Variants in HSD17B12 observed in about 807,000 individuals in gnomAD.
The protein encoded by HSD17B12 is hydroxysteroid 17-beta dehydrogenase 12.
Under a neutral mutation model 39.3 loss-of-function variants are expected in HSD17B12, and 32 were observed. The ratio of observed to expected loss-of-function variants is 0.81; its 90% CI spans 0.61 to 1.09. The LOEUF (loss-of-function observed/expected upper bound fraction) is 1.09, where lower values mean the gene tolerates loss of function less well. Among genes scored for constraint, HSD17B12 ranks in the 50% least tolerant of loss-of-function variants. HSD17B12 has a pLI of 0.00. For synonymous variants in HSD17B12, 150 were observed against 146.7 expected, an observed-to-expected ratio of 1.02 and a Z score of -0.16; for missense variants, 342 against 382.9, an observed-to-expected ratio of 0.89 and a Z score of 0.89.
rs184116723 is a variant in HSD17B12 at position 43,719,947 on chromosome 11, G to A, written c.161-30964G>A. Among the ~76,000 whole-genome samples the A allele has an allele frequency of 1.3e-3, 199 of 152,204 alleles. 1 individual carries two copies. Among genetic ancestry groups the A allele is most frequent in the African/African-American group, 4.6e-3 (191 of 41,538 alleles). On this transcript the variant is annotated intron_variant, in intron 1 of 10. Transcript: ENST00000278353. ...TGAGAGTTTTCTATGAATGTTATTA[G>A]GGATTGATTCTATGTCCCAAAAGCC...
intron 1 of HSD17B12, among the ~76,000 whole-genome samples, chr11:43,718,142 G>A (rs1403823786): frequency 6.6e-6 from 1 of 152,144 alleles, no homozygotes; most frequent in African/African-American, 2.4e-5. Context: ...CAAGCCACAG[G>A]ACCAGCTCAG....
chr11:43,809,248 G>A (rs4755748), intron 4 of HSD17B12, among the ~76,000 whole-genome samples: 2,862 of 152,290 alleles, frequency 0.019, 83 homozygotes, highest in African/African-American at 0.051. Context: ...TTGGGTTAAA[G>A]ATTTTATGTA....
At chr11:43,762,277 A>G (rs566149198) in intron 3 of HSD17B12, among the ~76,000 whole-genome samples, 2 of 152,330 alleles carry the variant, frequency 1.3e-5, no homozygotes, top group South Asian at 4.1e-4. Flanking sequence ...TGCTTTTACA[A>G]AATGTTTAAT....
the HSD17B12 span, among the ~76,000 whole-genome samples, chr11:43,668,253 C>T: frequency 4.6e-5 from 7 of 152,192 alleles, no homozygotes; most frequent in Non-Finnish European, 1.0e-4. Flanking sequence ...CCTTTTTCAG[C>T]TTCTAGAGGC....
intron 9 of HSD17B12, chr11:43,852,564 A>G (rs951059964): frequency 1.8e-4 from 28 of 152,014 alleles, no homozygotes; most frequent in African/African-American, 6.5e-4. Flanking sequence ...GAGTATTTAC[A>G]TATACTCTTT....
rs139479397 is a variant in HSD17B12 at position 43,788,794 on chromosome 11, A to T, written c.284-9526A>T. The stretch of plus-strand genomic sequence containing the variant: ...GGAGGAAATATAAACTTGTTATAGG[A>T]CCAATTCCATAGGCCTGTGACCTGA... On this transcript the variant is annotated intron_variant, in intron 3 of 10. Coordinates refer to ENST00000278353, the MANE Select transcript of HSD17B12 (RefSeq NM_016142.3). Among the ~76,000 whole-genome samples, 429 of 152,050 alleles carry T rather than the reference A, an allele frequency of 2.8e-3. 4 individuals carry two copies. Among genetic ancestry groups the T allele is most frequent in the African/African-American group, 1.0e-2 (413 of 41,446 alleles).
chr11:43,556,848 C>T, the HSD17B12 span: 1 of 151,592 alleles, frequency 6.6e-6, no homozygotes, highest in Non-Finnish European at 1.5e-5. Flanking sequence ...TTATATTACC[C>T]TCATTCCCTC....
At chr11:43,849,035 A>T (rs1951506163) in intron 9 of HSD17B12, among the ~76,000 whole-genome samples, 1 of 152,184 alleles carries the variant, frequency 6.6e-6, no homozygotes, top group Non-Finnish European at 1.5e-5. Flanking sequence ...GGGCACAGTG[A>T]CTCACACATG....
At chr11:43,753,037 C>T (rs1475672672) in intron 2 of HSD17B12, among the ~76,000 whole-genome samples, 2 of 152,094 alleles carry the variant, frequency 1.3e-5, no homozygotes, top group African/African-American at 2.4e-5. Flanking sequence ...TAATTTATTG[C>T]TCATTTATAT....
intron 3 of HSD17B12, among the ~76,000 whole-genome samples, chr11:43,774,022 T>C (rs1355502884): frequency 6.6e-6 from 1 of 152,166 alleles, no homozygotes; most frequent in East Asian, 1.9e-4. Context: ...CACATATGTG[T>C]ATGCTTATAG....
At position 43,718,903 on chromosome 11, in the gene HSD17B12, C is replaced by T. The variant is rs530702014; in HGVS notation, c.161-32008C>T. 8.1e-5 allele frequency: 78 copies of T among 966,726 alleles called. No homozygotes were observed. In the African/African-American group the frequency reaches 1.1e-3, roughly 14 times the overall value. 59.9% of individuals were successfully genotyped at this position (966,726 alleles called of 1,614,324 possible). A position where few individuals can be genotyped will look rare whatever the true frequency, so the allele number is the denominator to read the frequency against. On this transcript the variant is annotated intron_variant, in intron 1 of 10. Coordinates refer to ENST00000278353, the MANE Select transcript of HSD17B12 (RefSeq NM_016142.3). ...GAAACAAGCTTGACCACTATGCTGTCATCAAGTTTCCATTGACCACTGAGT... is the reference window on the plus strand; with the variant it reads ...GAAACAAGCTTGACCACTATGCTGTTATCAAGTTTCCATTGACCACTGAGT...
chr11:43,594,167 C>T, the HSD17B12 span, among the ~76,000 whole-genome samples: 2 of 152,036 alleles, frequency 1.3e-5, no homozygotes, highest in South Asian at 2.1e-4. Flanking sequence ...TTTTTAAAAT[C>T]TTAATTACTC....
chr11:43,734,094 T>C, intron 1 of HSD17B12: 1 of 1,101,504 alleles, frequency 9.1e-7, no homozygotes, highest in Non-Finnish European at 1.4e-6. Context: ...CGGAGAGGAC[T>C]ATGATGAGCG....
intron 9 of HSD17B12, chr11:43,852,108 C>T (rs552783725): frequency 2.0e-5 from 3 of 152,198 alleles, no homozygotes; most frequent in Non-Finnish European, 2.9e-5. Context: ...ATTTACATTT[C>T]TTAGCTGGAA....
At chr11:43,557,438 G>A in the HSD17B12 span, among the ~76,000 whole-genome samples, 9 of 152,220 alleles carry the variant, frequency 5.9e-5, no homozygotes, top group Admixed American at 5.2e-4. Flanking sequence ...ACGGTATGGT[G>A]GTGGTGATGG....
chr11:43,694,347 G>T (rs1410174887), intron 1 of HSD17B12, among the ~76,000 whole-genome samples: 1 of 152,036 alleles, frequency 6.6e-6, no homozygotes, highest in African/African-American at 2.4e-5. Context: ...TGATTTTAAG[G>T]CCATTTGGAA....
chr11:43,652,702 C>T, the HSD17B12 span, among the ~76,000 whole-genome samples: 281 of 152,094 alleles, frequency 1.8e-3, no homozygotes, highest in Admixed American at 4.1e-3. Flanking sequence ...ATACATGGGG[C>T]GAGGTATGGA....
At chr11:43,715,576 C>G (rs1254026398) in intron 1 of HSD17B12, among the ~76,000 whole-genome samples, 4 of 152,096 alleles carry the variant, frequency 2.6e-5, no homozygotes, top group Non-Finnish European at 5.9e-5. Flanking sequence ...AGATATTGGT[C>G]TAAAATTCTC....
chr11:43,624,933 A>G, the HSD17B12 span, among the ~76,000 whole-genome samples: 1 of 151,866 alleles, frequency 6.6e-6, no homozygotes, highest in South Asian at 2.1e-4. Flanking sequence ...GGAATAGTTA[A>G]ATGATTATAA....
Sources: gnomAD v4.1 joint callset for allele counts (sites outside exome capture counted in the v4.1 genomes callset) on GRCh38, gnomAD v4.1.1 for gene constraint, MANE v1.5 for transcripts, NCBI Gene and HGNC (gene_info 2026-07-23, HGNC 2026-07-21) for gene names.